Variants in DIS3L2 observed in about 807,000 individuals in gnomAD.
The protein encoded by DIS3L2 is DIS3 like 3'-5' exoribonuclease 2.
In DIS3L2, 34 loss-of-function variants were observed where a neutral mutation model predicts 97.5. That is an observed-to-expected ratio of 0.35 (90% CI 0.27 to 0.46). The LOEUF (loss-of-function observed/expected upper bound fraction) is 0.46, where lower values mean the gene tolerates loss of function less well. Among genes scored for constraint, DIS3L2 ranks in the 20% least tolerant of loss-of-function variants. The probability of loss-of-function intolerance (pLI) is 1.00; values close to 1 mark genes in which losing one functional copy is unlikely to be tolerated. For synonymous variants in DIS3L2, 435 were observed against 445.2 expected, an observed-to-expected ratio of 0.98 and a Z score of 0.29; for missense variants, 1,038 against 1,146.0, an observed-to-expected ratio of 0.91 and a Z score of 1.36.
At chr2:232,107,292 C>T (rs552463728) in intron 6 of DIS3L2, among the ~76,000 whole-genome samples, 1 of 152,158 alleles carries the variant, frequency 6.6e-6, no homozygotes, top group Non-Finnish European at 1.5e-5. Flanking sequence ...ATGAAAAACC[C>T]TTCAAAAAAT....
At chr2:232,234,757 C>A in intron 10 of DIS3L2, among the ~76,000 whole-genome samples, 1 of 152,232 alleles carries the variant, frequency 6.6e-6, no homozygotes, top group East Asian at 1.9e-4. Flanking sequence ...AGTTATCACA[C>A]GGGTGTATGT....
At chr2:232,072,908 G>A (rs1696077011) in intron 5 of DIS3L2, among the ~76,000 whole-genome samples, 1 of 151,786 alleles carries the variant, frequency 6.6e-6, no homozygotes, top group Non-Finnish European at 1.5e-5. Context: ...GGGATTTTGG[G>A]CTGAGTAATT....
chr2:232,045,832 G>A (rs978324780), intron 5 of DIS3L2, among the ~76,000 whole-genome samples: 1 of 151,798 alleles, frequency 6.6e-6, no homozygotes, highest in Non-Finnish European at 1.5e-5. Context: ...CTGCCACCAC[G>A]CCCAGCTAAT....
At chr2:232,329,785 T>TCCCGGGGGGGGCCCCCCCCC in intron 14 of DIS3L2, 28 bp from the exon 15 acceptor site, 1 of 967,140 alleles carries the variant, frequency 1.0e-6, no homozygotes, top group Non-Finnish European at 1.5e-6. Context: ...ACCCCAGCGG[T>TCCCGGGGGGGGCCCCCCCCC]CCCTCCCATC....
At chr2:232,096,241 C>T (rs1160091312) in intron 6 of DIS3L2, among the ~76,000 whole-genome samples, 1 of 152,004 alleles carries the variant, frequency 6.6e-6, no homozygotes, top group African/African-American at 2.4e-5. Context: ...CGCCCGCCAC[C>T]ACGCTCGGCT....
At chr2:232,235,911 C>G (rs560374185) in intron 10 of DIS3L2, among the ~76,000 whole-genome samples, 5 of 152,338 alleles carry the variant, frequency 3.3e-5, no homozygotes, top group Admixed American at 1.3e-4. Context: ...AGCTGCGTGC[C>G]TGTCAGAATG....
Position 232,015,682 on chromosome 2 carries a change from T to TCTA in DIS3L2, c.210+14_210+16dup, listed in dbSNP as rs929991353. On this transcript the variant is annotated intron_variant, in intron 3 of 20. Coordinates refer to ENST00000325385, the MANE Select transcript of DIS3L2 (RefSeq NM_152383.5). ...GGAACACTCATCCAGGTGCTTAAAA[T>TCTA]CTACTGGAAGGCTATTCTCTGAATA... The TCTA allele has an allele frequency of 1.7e-5, 28 of 1,612,972 alleles. No individual in the cohort carries two copies. The highest frequency in any genetic ancestry group is 2.4e-5 in the Non-Finnish European group (28 of 1,179,586).
intron 9 of DIS3L2, among the ~76,000 whole-genome samples, chr2:232,176,347 C>G (rs968980892): frequency 5.3e-5 from 8 of 152,176 alleles, no homozygotes; most frequent in Non-Finnish European, 8.8e-5. Flanking sequence ...CTCCCCCTCT[C>G]TCTCTGTTTT....
chr2:232,278,877 C>T (rs1694213251), intron 13 of DIS3L2, among the ~76,000 whole-genome samples: 1 of 152,160 alleles, frequency 6.6e-6, no homozygotes, highest in Admixed American at 6.5e-5. Flanking sequence ...TCATAAAGAA[C>T]TTCCAGTTTT....
chr2:231,967,333 A>G (rs1692752237), intron 1 of DIS3L2, among the ~76,000 whole-genome samples: 1 of 152,102 alleles, frequency 6.6e-6, no homozygotes, highest in African/African-American at 2.4e-5. Context: ...GATTGTTTCT[A>G]TTTCCCATTA....
intron 10 of DIS3L2, among the ~76,000 whole-genome samples, chr2:232,228,518 T>C (rs976244462): frequency 2.0e-5 from 3 of 152,260 alleles, no homozygotes; most frequent in African/African-American, 7.2e-5. Context: ...TGTTTCCTGT[T>C]CAGAAGGAGT....
intron 9 of DIS3L2, among the ~76,000 whole-genome samples, chr2:232,205,226 A>ATG (rs1691997464): frequency 6.7e-6 from 1 of 149,134 alleles, no homozygotes; most frequent in Non-Finnish European, 1.5e-5. Flanking sequence ...ATATATATAT[A>ATG]TATATATATA....
At chr2:231,989,339 T>TTGTGTGTGTGTGTGTGTGTG (rs59088969) in intron 1 of DIS3L2, among the ~76,000 whole-genome samples, 2 of 146,684 alleles carry the variant, frequency 1.4e-5, no homozygotes, top group African/African-American at 5.1e-5. Context: ...GTCAGTATAA[T>TTGTGTGTGTGTGTGTGTGTG]TGTGTGTGTG....
At chr2:232,122,936 T>C (rs1697951354) in intron 6 of DIS3L2, among the ~76,000 whole-genome samples, 1 of 152,210 alleles carries the variant, frequency 6.6e-6, no homozygotes. Flanking sequence ...GATCTAGGTT[T>C]GAATTTAGAT....
At chr2:231,992,863 C>A (rs1693621730) in intron 1 of DIS3L2, among the ~76,000 whole-genome samples, 1 of 152,184 alleles carries the variant, frequency 6.6e-6, no homozygotes, top group South Asian at 2.1e-4. Context: ...TCTTAGGAGG[C>A]CATTTTTTCT....
At chr2:232,182,212 T>G (rs1559710426) in intron 9 of DIS3L2, among the ~76,000 whole-genome samples, 1 of 152,232 alleles carries the variant, frequency 6.6e-6, no homozygotes, top group Non-Finnish European at 1.5e-5. Context: ...AGGAGTAGGT[T>G]GTTTAATTTC....
At chr2:231,976,960 G>T (rs1693115678) in intron 1 of DIS3L2, among the ~76,000 whole-genome samples, 1 of 151,916 alleles carries the variant, frequency 6.6e-6, no homozygotes, top group Non-Finnish European at 1.5e-5. Context: ...GTAGAGATGG[G>T]GTTTCACCAT....
At chr2:232,086,661 G>GTGTATATATATATATGTGTGTA (rs1331761284) in intron 5 of DIS3L2, among the ~76,000 whole-genome samples, 2 of 29,496 alleles carry the variant, frequency 6.8e-5, no homozygotes, top group African/African-American at 2.5e-4. Flanking sequence ...ATATATATAT[G>GTGTATATATATATATGTGTGTA]TGTGTGTGTG....
At chr2:232,343,908 G>T in exon 14 of DIS3L2, 1 of 232,734 alleles carries the variant, frequency 4.3e-6, no homozygotes. Flanking sequence ...AACTAAAATG[G>T]AAGGCCATAG....
Sources: gnomAD v4.1 joint callset for allele counts (sites outside exome capture counted in the v4.1 genomes callset) on GRCh38, gnomAD v4.1.1 for gene constraint, MANE v1.5 for transcripts, NCBI Gene and HGNC (gene_info 2026-07-23, HGNC 2026-07-21) for gene names.